The following ANKS1B variants were observed in gnomAD, a reference collection of about 807,000 sequenced individuals.
ANKS1B encodes ankyrin repeat and sterile alpha motif domain containing 1B, also known as ankyrin repeat and sterile alpha motif domain-containing protein 1B.
A neutral mutation model predicts 148.3 loss-of-function variants in ANKS1B; 36 were observed. The observed-to-expected ratio is 0.24, with a 90% confidence interval of 0.19 to 0.32. ANKS1B has a LOEUF of 0.32. ANKS1B is among the 10% of genes least tolerant of loss of function. The pLI, the probability that ANKS1B is intolerant of heterozygous loss-of-function variation, is 1.00. For missense variants in ANKS1B, 1,157 were observed against 1,542.6 expected (o/e 0.75, Z 4.19); for synonymous variants, 542 against 560.8 (o/e 0.97, Z 0.47).
At chr12:98,852,117 G>T (rs1328402646) in intron 17 of ANKS1B, among the ~76,000 whole-genome samples, 2 of 151,800 alleles carry the variant, frequency 1.3e-5, no homozygotes, top group Non-Finnish European at 2.9e-5. Context: ...ATTGAGAATG[G>T]GCTGCAGTGG....
At chr12:99,545,302 T>G (rs11830090) in intron 9 of ANKS1B, among the ~76,000 whole-genome samples, 39,504 of 152,012 alleles carry the variant, frequency 0.26, 5,315 homozygotes, top group East Asian at 0.31. Context: ...TCGACCAATA[T>G]TTATAGAATC....
At chr12:99,659,497 G>C (rs2098465594) in intron 8 of ANKS1B, among the ~76,000 whole-genome samples, 2 of 152,084 alleles carry the variant, frequency 1.3e-5, no homozygotes, top group African/African-American at 4.8e-5. Context: ...ATTCTATGTT[G>C]TTGCAAATTG....
chr12:99,009,173 C>T (rs1002872471), intron 17 of ANKS1B, among the ~76,000 whole-genome samples: 1 of 152,206 alleles, frequency 6.6e-6, no homozygotes, highest in Non-Finnish European at 1.5e-5. Flanking sequence ...GTTGGGACAA[C>T]TCGTTCAGCA....
At chr12:98,770,855 C>T (rs1428706408) in intron 25 of ANKS1B, among the ~76,000 whole-genome samples, 1 of 152,170 alleles carries the variant, frequency 6.6e-6, no homozygotes, top group Non-Finnish European at 1.5e-5. Flanking sequence ...TGGGGGCTGG[C>T]CTCTCACGAA....
chr12:99,028,449 A>G (rs974967429), intron 17 of ANKS1B, among the ~76,000 whole-genome samples: 1 of 152,200 alleles, frequency 6.6e-6, no homozygotes, highest in Admixed American at 6.5e-5. Context: ...ATGTATGTAT[A>G]CATTATACAT....
intron 9 of ANKS1B, among the ~76,000 whole-genome samples, chr12:99,521,015 G>A (rs187980662): frequency 3.9e-5 from 6 of 152,058 alleles, no homozygotes; most frequent in South Asian, 4.1e-4. Context: ...GGCTGGTCTC[G>A]AACTCCCAAC....
chr12:99,778,989 G>C (rs1374489792), intron 6 of ANKS1B, among the ~76,000 whole-genome samples: 2 of 152,214 alleles, frequency 1.3e-5, no homozygotes, highest in African/African-American at 4.8e-5. Flanking sequence ...TCCATAACAA[G>C]TGTAGGAGAT....
chr12:99,181,706 G>A (rs1484746201), intron 14 of ANKS1B, among the ~76,000 whole-genome samples: 1 of 151,964 alleles, frequency 6.6e-6, no homozygotes, highest in African/African-American at 2.4e-5. Context: ...GGGTATATGA[G>A]ATTTTTCATA....
intron 17 of ANKS1B, among the ~76,000 whole-genome samples, chr12:99,028,240 C>A (rs893659600): frequency 2.0e-5 from 3 of 152,180 alleles, no homozygotes; most frequent in Non-Finnish European, 2.9e-5. Context: ...CTTTTCTATT[C>A]CTCCTGCAAT....
chr12:99,447,421 G>C (rs1339142270), intron 10 of ANKS1B, among the ~76,000 whole-genome samples: 1 of 151,904 alleles, frequency 6.6e-6, no homozygotes, highest in Non-Finnish European at 1.5e-5. Flanking sequence ...GGCCAGTCTG[G>C]GAAACATAGG....
intron 12 of ANKS1B, among the ~76,000 whole-genome samples, chr12:99,271,662 C>CTATATATATATATGTA (rs2077052441): frequency 1.1e-5 from 1 of 94,222 alleles, no homozygotes; most frequent in African/African-American, 4.7e-5. Context: ...AGTCAATAAA[C>CTATATATATATATGTA]TATATATATA....
intron 1 of ANKS1B, among the ~76,000 whole-genome samples, chr12:99,841,394 T>C (rs899078392): frequency 6.6e-6 from 1 of 152,084 alleles, no homozygotes; most frequent in African/African-American, 2.4e-5. Flanking sequence ...GTGTATTTTT[T>C]TAATATAATC....
intron 17 of ANKS1B, among the ~76,000 whole-genome samples, chr12:98,955,416 T>C (rs1207214661): frequency 6.6e-6 from 1 of 151,930 alleles, no homozygotes; most frequent in Non-Finnish European, 1.5e-5. Flanking sequence ...TGCAGGAGAA[T>C]GACAGGAGAG....
intron 22 of ANKS1B, among the ~76,000 whole-genome samples, chr12:98,789,804 T>C (rs1017212038): frequency 6.6e-6 from 1 of 152,216 alleles, no homozygotes; most frequent in Non-Finnish European, 1.5e-5. Context: ...CCACAAATGA[T>C]ATTGGGGATG....
At chr12:99,474,706 G>A (rs1909842) in intron 10 of ANKS1B, among the ~76,000 whole-genome samples, 6,874 of 152,040 alleles carry the variant, frequency 0.045, 521 homozygotes, top group African/African-American at 0.16. Flanking sequence ...TGACAAACAT[G>A]AAGAAATTTA....
intron 8 of ANKS1B, among the ~76,000 whole-genome samples, chr12:99,758,239 T>G (rs1156545345): frequency 6.6e-6 from 1 of 151,962 alleles, no homozygotes; most frequent in Admixed American, 6.6e-5. Context: ...AAAACATTGG[T>G]TTGACACCTT....
At chr12:98,883,522 A>C (rs1040598885) in intron 17 of ANKS1B, among the ~76,000 whole-genome samples, 1 of 152,228 alleles carries the variant, frequency 6.6e-6, no homozygotes, top group South Asian at 2.1e-4. Flanking sequence ...CAAACCCCAT[A>C]GCTTACATGG....
chr12:99,492,769 C>T (rs558623659), intron 10 of ANKS1B, among the ~76,000 whole-genome samples: 25 of 152,276 alleles, frequency 1.6e-4, no homozygotes, highest in African/African-American at 5.3e-4. Context: ...AAATGTGATT[C>T]ATCACATAAA....
intron 9 of ANKS1B, among the ~76,000 whole-genome samples, chr12:99,514,405 T>G (rs2096795461): frequency 6.6e-6 from 1 of 152,004 alleles, no homozygotes; most frequent in South Asian, 2.1e-4. Context: ...CTATCACAAA[T>G]CCAAAACTAC....
Sources: allele counts gnomAD v4.1 joint callset (sites outside exome capture counted in the v4.1 genomes callset), GRCh38; gene constraint gnomAD v4.1.1; transcripts MANE v1.5; gene names NCBI Gene and HGNC (gene_info 2026-07-23, HGNC 2026-07-21).